SUPT3H: variants seen among roughly 807,000 people sequenced by gnomAD.
The protein encoded by SUPT3H is transcription initiation protein SPT3 homolog.
SUPT3H carries 44 observed loss-of-function variants against 44.3 expected under a neutral mutation model. The ratio of observed to expected loss-of-function variants is 0.99; its 90% CI spans 0.78 to 1.28. The LOEUF (loss-of-function observed/expected upper bound fraction) is 1.28. SUPT3H is among the 50% of genes most tolerant of loss of function. SUPT3H has a pLI of 0.00. For synonymous variants in SUPT3H, 124 were observed against 125.6 expected, an observed-to-expected ratio of 0.99 and a Z score of 0.09; for missense variants, 380 against 387.1, an observed-to-expected ratio of 0.98 and a Z score of 0.15.
intron 2 of SUPT3H, among the ~76,000 whole-genome samples, chr6:45,166,828 C>A (rs1409064583): frequency 2.0e-5 from 3 of 152,090 alleles, no homozygotes; most frequent in Non-Finnish European, 2.9e-5. Context: ...ACTTACACAC[C>A]ATTACATACC....
intron 5 of SUPT3H, among the ~76,000 whole-genome samples, chr6:45,010,679 C>T (rs4714834): frequency 0.12 from 18,224 of 152,040 alleles, 1,433 homozygotes; most frequent in East Asian, 0.27. Context: ...ACAGCAGAAA[C>T]AGAAGAAACA....
intron 9 of SUPT3H, among the ~76,000 whole-genome samples, chr6:44,934,103 ATTTG>A (rs1771030399): frequency 1.3e-5 from 2 of 152,166 alleles, no homozygotes; most frequent in African/African-American, 4.8e-5. Flanking sequence ...AATTAATATT[ATTTG>A]TTTTTCTGAT....
rs540323444 is a variant in SUPT3H at position 45,267,590 on chromosome 6, C to T, written c.101+97611G>A. Reference sequence around the variant, plus strand: ...AATTTCTTAGTGTTATTCTTCAGTGCCTAATACCTATCTCCTTTGAACTCT... The same window carrying T: ...AATTTCTTAGTGTTATTCTTCAGTGTCTAATACCTATCTCCTTTGAACTCT... On this transcript the variant is annotated intron_variant, in intron 2 of 10. Coordinates refer to ENST00000371459, the MANE Select transcript of SUPT3H (RefSeq NM_003599.4). Among the ~76,000 whole-genome samples the T allele has an allele frequency of 5.3e-5, 8 of 152,284 alleles. No homozygotes were observed. In the East Asian group the frequency reaches 1.5e-3, roughly 29 times the overall value.
At chr6:45,225,267 G>A (rs1444783222) in intron 2 of SUPT3H, among the ~76,000 whole-genome samples, 4 of 120,240 alleles carry the variant, frequency 3.3e-5, no homozygotes, top group South Asian at 3.2e-4. Context: ...CAACAAGAGC[G>A]AAACTCCATC....
chr6:45,036,622 G>C (rs1006442695), intron 3 of SUPT3H, among the ~76,000 whole-genome samples: 1 of 152,046 alleles, frequency 6.6e-6, no homozygotes, highest in South Asian at 2.1e-4. Context: ...ATGAAAAAAT[G>C]CCTTCATAAT....
intron 2 of SUPT3H, among the ~76,000 whole-genome samples, chr6:45,191,100 C>T (rs1403962607): frequency 6.6e-6 from 1 of 152,082 alleles, no homozygotes; most frequent in African/African-American, 2.4e-5. Flanking sequence ...CTTATGTCCA[C>T]ATATAAACCT....
intron 2 of SUPT3H, among the ~76,000 whole-genome samples, chr6:45,319,298 T>TA: frequency 6.6e-6 from 1 of 152,120 alleles, no homozygotes; most frequent in Non-Finnish European, 1.5e-5. Context: ...AACTTTATCA[T>TA]AAATGAGGGC....
intron 2 of SUPT3H, among the ~76,000 whole-genome samples, chr6:45,172,811 C>G (rs1235147943): frequency 6.6e-6 from 1 of 151,918 alleles, no homozygotes; most frequent in African/African-American, 2.4e-5. Context: ...AGGCTGGTCT[C>G]GAACTCCTGA....
At chr6:44,858,280 T>G (rs1337883790) in intron 10 of SUPT3H, among the ~76,000 whole-genome samples, 1 of 152,144 alleles carries the variant, frequency 6.6e-6, no homozygotes, top group Non-Finnish European at 1.5e-5. Flanking sequence ...ATTAGTAACA[T>G]GCTGATAATG....
intron 2 of SUPT3H, among the ~76,000 whole-genome samples, chr6:45,280,666 C>G (rs997697159): frequency 6.6e-6 from 1 of 152,132 alleles, no homozygotes; most frequent in Non-Finnish European, 1.5e-5. Context: ...ATTAATTACT[C>G]CCCTTGTAAC....
At chr6:45,167,801 T>G (rs553880533) in intron 2 of SUPT3H, among the ~76,000 whole-genome samples, 1 of 152,070 alleles carries the variant, frequency 6.6e-6, no homozygotes, top group South Asian at 2.1e-4. Flanking sequence ...AGAAGTTCAC[T>G]TCTTTATTTT....
chr6:44,896,371 T>C (rs1764135791), intron 10 of SUPT3H, among the ~76,000 whole-genome samples: 1 of 152,188 alleles, frequency 6.6e-6, no homozygotes, highest in African/African-American at 2.4e-5. Flanking sequence ...GGACCTCACA[T>C]ATTTTAATTC....
chr6:45,280,592 C>A (rs2086144111), intron 2 of SUPT3H, among the ~76,000 whole-genome samples: 1 of 152,126 alleles, frequency 6.6e-6, no homozygotes, highest in African/African-American at 2.4e-5. Flanking sequence ...AAGGTTTATA[C>A]TTTGATTATC....
chr6:45,113,827 C>CAAAAAAAA (rs374606230), intron 2 of SUPT3H, among the ~76,000 whole-genome samples: 140 of 112,738 alleles, frequency 1.2e-3, no homozygotes, highest in African/African-American at 4.4e-3. Flanking sequence ...AAGACTCCAT[C>CAAAAAAAA]AAAAAAAAAA....
At chr6:45,335,678 T>C (rs1403420914) in intron 2 of SUPT3H, among the ~76,000 whole-genome samples, 1 of 151,286 alleles carries the variant, frequency 6.6e-6, no homozygotes, top group Admixed American at 6.6e-5. Flanking sequence ...CCTGTGAAAG[T>C]ACATAAGCAT....
At chr6:44,880,196 T>C (rs532675294) in intron 10 of SUPT3H, among the ~76,000 whole-genome samples, 53 of 152,154 alleles carry the variant, frequency 3.5e-4, no homozygotes, top group African/African-American at 1.3e-3. Flanking sequence ...GTTAGAGGAA[T>C]TGCTGTCTAG....
chr6:45,364,587 T>A (rs865918029), intron 2 of SUPT3H, among the ~76,000 whole-genome samples: 1 of 152,172 alleles, frequency 6.6e-6, no homozygotes, highest in Non-Finnish European at 1.5e-5. Flanking sequence ...CTACCTCTTA[T>A]CAAATCAAGA....
At chr6:44,878,564 AG>A (rs1453323848) in intron 10 of SUPT3H, among the ~76,000 whole-genome samples, 1 of 152,076 alleles carries the variant, frequency 6.6e-6, no homozygotes, top group Non-Finnish European at 1.5e-5. Context: ...TAGGTTGTGG[AG>A]AAACTGGAAC....
intron 3 of SUPT3H, among the ~76,000 whole-genome samples, chr6:45,101,088 T>A (rs1798505656): frequency 1.3e-5 from 2 of 152,154 alleles, no homozygotes; most frequent in African/African-American, 4.8e-5. Context: ...AAATAAGCCA[T>A]GCACAGAAAG....
Sources: gnomAD v4.1 joint callset for allele counts (sites outside exome capture counted in the v4.1 genomes callset) on GRCh38, gnomAD v4.1.1 for gene constraint, MANE v1.5 for transcripts, NCBI Gene and HGNC (gene_info 2026-07-23, HGNC 2026-07-21) for gene names.